MEP1A: variants seen among roughly 807,000 people sequenced by gnomAD.
MEP1A encodes N-benzoyl-L-tyrosyl-P-amino-benzoic acid hydrolase subunit alpha.
In MEP1A, 68 loss-of-function variants were observed where a neutral mutation model predicts 84.5. The observed-to-expected ratio is 0.80, with a 90% CI of 0.66 to 0.98. MEP1A has a LOEUF of 0.98. Among genes scored for constraint, MEP1A ranks in the 50% least tolerant of loss-of-function variants. The probability of loss-of-function intolerance (pLI) is 0.00; values close to 1 mark genes in which losing one functional copy is unlikely to be tolerated. For missense variants in MEP1A, 887 were observed against 919.9 expected (o/e 0.96, Z 0.46); for synonymous variants, 337 against 336.8 (o/e 1.00, Z -0.01).
chr6:46,825,551 C>A, intron 8 of MEP1A, 58 bp downstream of exon 8: 1 of 1,164,466 alleles, frequency 8.6e-7, no homozygotes, highest in South Asian at 1.5e-5. Context: ...ATTCCATCAG[C>A]CTTAGAGATT....
In MEP1A at chr6:46,793,818, G is replaced by A. The variant is rs1365146572; in HGVS notation, c.145+102G>A. On this transcript the variant is annotated intron_variant, in intron 3 of 13. Transcript: ENST00000230588. Reference sequence around the variant, plus strand: ...CCTAATACTGTATTGTGATTCTCTGGGGGAGAAATATTTTTTGGTGCTTTG... The same window carrying A: ...CCTAATACTGTATTGTGATTCTCTGAGGGAGAAATATTTTTTGGTGCTTTG... The A allele has an allele frequency of 1.2e-5, 10 of 811,482 alleles. No individual in the cohort carries two copies. In the African/African-American group the frequency reaches 1.3e-4, roughly 10 times the overall value. The allele number at this position is 811,482 out of a possible 1,614,324, so 50.3% of individuals were successfully genotyped here.
chr6:46,821,906 T>A (rs1434002527), intron 7 of MEP1A, among the ~76,000 whole-genome samples: 1 of 152,214 alleles, frequency 6.6e-6, no homozygotes, highest in South Asian at 2.1e-4. Flanking sequence ...CCAATAAGAT[T>A]ATCAACATAG....
rs1470176960 is a variant in MEP1A, at chr6:46,824,848, T to TTTAA, written c.557-424_557-423insTTAA. Among the ~76,000 whole-genome samples, 222 of 81,582 alleles carry TTTAA rather than the reference T, an allele frequency of 2.7e-3. 2 individuals are homozygous for TTTAA. Among genetic ancestry groups the TTTAA allele is most frequent in the Non-Finnish European group, 3.5e-3 (154 of 43,994 alleles). 53.5% of individuals were successfully genotyped at this position (81,582 alleles called of 152,430 possible). ...TGTATTTAAATATATATAAATTATA[T>TTTAA]ATATAAATTATATATTTAAATAGAT... On this transcript the variant is annotated intron_variant, in intron 7 of 13. Transcript: ENST00000230588.
In MEP1A at chr6:46,829,542, G is replaced by C. The variant is rs768801288; in HGVS notation, c.1115G>C (p.Arg372Pro). 1.1e-5 allele frequency: 18 copies of C among 1,614,072 alleles called. No individual in the cohort carries two copies. Among genetic ancestry groups the C allele is most frequent in the Non-Finnish European group, 1.4e-5 (17 of 1,179,958 alleles). Residue 372 changes from arginine to proline, a missense_variant, in exon 10 of 14, where the codon CGC (arginine) becomes CCC (proline). Arg to Pro is a moderately radical substitution (Grantham distance 103). Transcript: ENST00000230588. The stretch of plus-strand genomic sequence containing the variant: ...AGGGATGACAGCACAGGCAATGTTC[G>C]CAAGTTGGTGAAGGTGCAGACTTTT... ...VRRDDSTGNVRKLVKVQTFQG... is the reference protein window; with the variant it reads ...VRRDDSTGNVPKLVKVQTFQG...
chr6:46,836,884 T>A (rs1444162136), intron 13 of MEP1A, among the ~76,000 whole-genome samples: 1 of 152,088 alleles, frequency 6.6e-6, no homozygotes, highest in African/African-American at 2.4e-5. Flanking sequence ...TGCTATGCCT[T>A]CTCGCTGCAG....
intron 5 of MEP1A, among the ~76,000 whole-genome samples, 165 bp downstream of exon 5, chr6:46,799,346 G>A: frequency 6.6e-6 from 1 of 152,166 alleles, no homozygotes; most frequent in East Asian, 1.9e-4. Flanking sequence ...TACATCAAAA[G>A]CATTGCTGCT....
intron 12 of MEP1A, 116 bp from the exon 13 acceptor site, chr6:46,835,133 T>C: frequency 1.1e-6 from 1 of 890,596 alleles, no homozygotes; most frequent in Non-Finnish European, 1.7e-6. Flanking sequence ...CACTTTTCCA[T>C]GTCACTAGGG....
At chr6:46,811,031 G>A (rs1434189931) in intron 6 of MEP1A, among the ~76,000 whole-genome samples, 2 of 152,056 alleles carry the variant, frequency 1.3e-5, no homozygotes, top group Non-Finnish European at 2.9e-5. Flanking sequence ...GATGGGAATT[G>A]TATAGAATTT....
intron 5 of MEP1A, among the ~76,000 whole-genome samples, chr6:46,801,756 T>G (rs989133568): frequency 3.9e-5 from 6 of 152,104 alleles, no homozygotes; most frequent in Non-Finnish European, 7.4e-5. Flanking sequence ...TGTCTATAAT[T>G]GATTGCAAAC....
At chr6:46,801,529 T>C (rs1473229517) in intron 5 of MEP1A, among the ~76,000 whole-genome samples, 1 of 152,124 alleles carries the variant, frequency 6.6e-6, no homozygotes, top group Non-Finnish European at 1.5e-5. Flanking sequence ...TTCAGATATA[T>C]GTATTATAAA....
At chr6:46,815,898 T>TAGAGTTAATTAAATACTA (rs1767623123) in intron 6 of MEP1A, among the ~76,000 whole-genome samples, 4 of 152,338 alleles carry the variant, frequency 2.6e-5, no homozygotes, top group Admixed American at 2.6e-4. Flanking sequence ...ATACCTAACT[T>TAGAGTTAATTAAATACTA]ACCTGAGTAG....
chr6:46,829,425 G>A lies in MEP1A; in HGVS notation c.998G>A (p.Arg333Gln), dbSNP rs1768025921. The A allele has an allele frequency of 1.9e-6, 3 of 1,613,954 alleles. No homozygotes were observed. Among genetic ancestry groups the A allele is most frequent in the East Asian group, 4.5e-5 (2 of 44,884 alleles). The change falls in exon 10 of 14, where the codon CGG (arginine) becomes CAG (glutamine). Residue 333 changes from arginine (R) to glutamine (Q), a missense_variant. Coordinates refer to ENST00000230588, the MANE Select transcript of MEP1A (RefSeq NM_005588.3). ...SAEEAALLES[R>Q]ILYPKRKQQC... ...GAAGAGGCAGCCCTACTGGAGTCTC[G>A]GATTCTTTACCCAAAGAGGAAGCAG... is the stretch of plus-strand genomic sequence containing the variant.
At chr6:46,795,371 G>T (rs534825232) in intron 3 of MEP1A, among the ~76,000 whole-genome samples, 1 of 152,032 alleles carries the variant, frequency 6.6e-6, no homozygotes, top group African/African-American at 2.4e-5. Context: ...TGCCATCTCG[G>T]CTCACTGCAA....
At chr6:46,838,331 A>G (rs4714954) in intron 13 of MEP1A, among the ~76,000 whole-genome samples, 95,307 of 151,940 alleles carry the variant, frequency 0.63, 30,218 homozygotes, top group South Asian at 0.73. Flanking sequence ...TGCCTTGGTT[A>G]TGAGATTAGT....
intron 9 of MEP1A, among the ~76,000 whole-genome samples, chr6:46,828,179 C>T (rs1322922752): frequency 1.3e-5 from 2 of 151,694 alleles, no homozygotes; most frequent in Admixed American, 1.3e-4. Context: ...TCATAATACA[C>T]CTGGGCAAGA....
At chr6:46,808,990 G>T (rs1767427038) in intron 5 of MEP1A, among the ~76,000 whole-genome samples, 1 of 151,962 alleles carries the variant, frequency 6.6e-6, no homozygotes, top group Non-Finnish European at 1.5e-5. Context: ...TCACTCTAAG[G>T]TACTTTATCT....
At position 46,829,511 on chromosome 6, in the gene MEP1A, G is replaced by C; in HGVS notation, c.1084G>C (p.Val362Leu). Residue 362 changes from valine (V) to leucine (L), a missense_variant, in exon 10 of 14, where the codon GTC (valine) becomes CTC (leucine). Coordinates refer to ENST00000230588, the MANE Select transcript of MEP1A (RefSeq NM_005588.3). ...TCCTTCAGACAGACTCGTTGTCTGG[G>C]TCAGGAGGGATGACAGCACAGGCAA... ...GSPSDRLVVW[V>L]RRDDSTGNVR... 6.2e-7 allele frequency: 1 copy of C among 1,614,170 alleles called. No individual in the cohort carries two copies. The highest frequency in any genetic ancestry group is 8.5e-7 in the Non-Finnish European group (1 of 1,180,008).
chr6:46,801,192 G>A (rs117726411), intron 5 of MEP1A, among the ~76,000 whole-genome samples: 1,542 of 152,130 alleles, frequency 0.01, 43 homozygotes, highest in East Asian at 0.078. Context: ...GTAAGAAAAC[G>A]CCAAACAGTT....
At chr6:46,823,494 C>T (rs1249673955) in intron 7 of MEP1A, among the ~76,000 whole-genome samples, 1 of 152,176 alleles carries the variant, frequency 6.6e-6, no homozygotes, top group Non-Finnish European at 1.5e-5. Context: ...TGCCTGTAAT[C>T]CCAGCTACTC....
Sources: allele counts gnomAD v4.1 joint callset (sites outside exome capture counted in the v4.1 genomes callset), GRCh38; gene constraint gnomAD v4.1.1; transcripts MANE v1.5; gene names NCBI Gene and HGNC (gene_info 2026-07-23, HGNC 2026-07-21).